The following GPLD1 variants were observed in gnomAD, a reference collection of about 807,000 sequenced individuals.
GPLD1 encodes phosphatidylinositol-glycan-specific phospholipase D.
GPLD1 carries 84 observed loss-of-function variants against 112.6 expected under a neutral mutation model. The observed-to-expected ratio is 0.75, with a 90% CI of 0.63 to 0.89. The LOEUF (loss-of-function observed/expected upper bound fraction) is 0.89, where lower values mean the gene tolerates loss of function less well. Ranked by LOEUF, GPLD1 falls within the 40% of genes least tolerant of loss-of-function variation. GPLD1 has a pLI of 0.00. For synonymous variants in GPLD1, 386 were observed against 403.8 expected, an observed-to-expected ratio of 0.96 and a Z score of 0.53; for missense variants, 1,044 against 1,051.5, an observed-to-expected ratio of 0.99 and a Z score of 0.10.
chr6:24,440,986 C>A (rs1772257), intron 20 of GPLD1, among the ~76,000 whole-genome samples: 3 of 151,874 alleles, frequency 2.0e-5, no homozygotes, highest in East Asian at 3.9e-4. Flanking sequence ...CCAAAATCCA[C>A]GGATGTTCAA....
chr6:24,447,089 G>T, intron 17 of GPLD1, 110 bp from the exon 18 acceptor site: 1 of 946,220 alleles, frequency 1.1e-6, no homozygotes. Flanking sequence ...ATTTTGCTGA[G>T]TTTTTGCCAG....
In GPLD1 at chr6:24,476,191, G is replaced by A. The variant is rs1764010179; in HGVS notation, c.320C>T (p.Pro107Leu). Residue 107 changes from proline to leucine, a missense_variant, in exon 4 of 25, where the codon CCC becomes CTC. Transcript: ENST00000230036. ...GAGGACCACGCCTACCTTCTCCCAG[G>A]GAAGGGGATAGTTCTCTCGGATATA... is the stretch of plus-strand genomic sequence containing the variant. The part of the protein sequence containing the change: ...VHYIRENYPL[P>L]WEKDTEKLVA... The A allele has an allele frequency of 1.3e-6, 2 of 1,541,996 alleles. No homozygotes were observed. The highest frequency in any genetic ancestry group is 1.4e-5 in the African/African-American group (1 of 73,516).
chr6:24,465,017 C>T (rs773033388), intron 10 of GPLD1, among the ~76,000 whole-genome samples: 7 of 150,060 alleles, frequency 4.7e-5, no homozygotes, highest in Non-Finnish European at 1.0e-4. Context: ...ACCAACATGG[C>T]AAAACTCTGT....
intron 11 of GPLD1, 56 bp downstream of exon 11, chr6:24,462,674 G>T: frequency 1.9e-6 from 2 of 1,071,884 alleles, no homozygotes; most frequent in Non-Finnish European, 2.9e-6. Flanking sequence ...CCTCTATAGG[G>T]CATCTCCTCC....
chr6:24,448,283 A>C, intron 15 of GPLD1, 75 bp from the exon 16 acceptor site: 6 of 973,410 alleles, frequency 6.2e-6, no homozygotes, highest in Non-Finnish European at 8.1e-6. Context: ...AGAAGATAAA[A>C]AGGACTGACT....
At chr6:24,425,511 T>C (rs1461374803), downstream of GPLD1, 1 of 152,374 alleles carries the variant, frequency 6.6e-6, no homozygotes, top group Non-Finnish European at 1.5e-5. Flanking sequence ...AAATATCAAC[T>C]AGTTCCACTT....
intron 7 of GPLD1, among the ~76,000 whole-genome samples, chr6:24,467,717 T>C (rs1051962547): frequency 1.3e-5 from 2 of 152,146 alleles, no homozygotes; most frequent in Admixed American, 1.3e-4. Flanking sequence ...CACCCTGACA[T>C]CTTAATTTCA....
intron 15 of GPLD1, among the ~76,000 whole-genome samples, chr6:24,449,300 G>A (rs1763006865): frequency 1.3e-5 from 2 of 152,098 alleles, no homozygotes; most frequent in Non-Finnish European, 2.9e-5. Flanking sequence ...AGTCACACAT[G>A]GTGCCCGGAT....
intron 3 of GPLD1, 113 bp from the exon 4 acceptor site, chr6:24,476,391 G>A: frequency 1.6e-6 from 1 of 622,884 alleles, no homozygotes; most frequent in South Asian, 1.9e-5. Flanking sequence ...TTCCCTCCAT[G>A]CCCCTCAGTT....
At chr6:24,455,174 T>C (rs979467883) in intron 13 of GPLD1, among the ~76,000 whole-genome samples, 21 of 152,256 alleles carry the variant, frequency 1.4e-4, no homozygotes, top group African/African-American at 5.1e-4. Context: ...AGTGGACCCA[T>C]TGCTGTTCTC....
At chr6:24,492,637 G>A (rs868803780), upstream of GPLD1, among the ~76,000 whole-genome samples, 9 of 152,070 alleles carry the variant, frequency 5.9e-5, no homozygotes, top group Middle Eastern at 3.4e-3. Flanking sequence ...GAGGGAAGAG[G>A]TCCCTCTCAC....
At chr6:24,439,315 TAGAA>T (rs34108306) in intron 20 of GPLD1, among the ~76,000 whole-genome samples, 33,478 of 152,018 alleles carry the variant, frequency 0.22, 3,864 homozygotes, top group Non-Finnish European at 0.25. Flanking sequence ...GAGCAAGAAT[TAGAA>T]AGCCTGAATA....
At chr6:24,446,765 T>C in intron 18 of GPLD1, 73 bp downstream of exon 18, 3 of 1,442,828 alleles carry the variant, frequency 2.1e-6, no homozygotes, top group Non-Finnish European at 2.8e-6. Flanking sequence ...CTCAGCCTCA[T>C]GCTCAGTGCG....
rs72112585 is a variant in GPLD1 at position 24,427,845 on chromosome 6, CAAAAAAA to C, written c.*1180_*1186del. Among the ~76,000 whole-genome samples the C allele has an allele frequency of 1.0e-4, 9 of 87,634 alleles. No individual in the cohort carries two copies. The highest frequency in any genetic ancestry group is 4.8e-4 in the African/African-American group (9 of 18,656). The allele number at this position is 87,634 out of a possible 152,430, so 57.5% of individuals were successfully genotyped here. ...TGGGCAACAGAGCAAGACTCCGTCT[CAAAAAAA>C]AAAAAAAAAAAAAAGGACTATCATC... On this transcript the variant is annotated 3_prime_UTR_variant, in exon 25 of 25. Coordinates refer to ENST00000230036, the MANE Select transcript of GPLD1 (RefSeq NM_001503.4).
chr6:24,438,573 G>A (rs746575433), intron 20 of GPLD1, among the ~76,000 whole-genome samples: 13 of 152,122 alleles, frequency 8.5e-5, no homozygotes, highest in South Asian at 2.1e-4. Context: ...AAGCAGAGTC[G>A]GCAACAACAG....
Position 24,462,760 on chromosome 6 carries a change from G to A in GPLD1, c.857C>T (p.Ala286Val), listed in dbSNP as rs1561845394. 6.2e-7 allele frequency: 1 copy of A among 1,613,354 alleles called. No homozygotes were observed. Among genetic ancestry groups the A allele is most frequent in the Non-Finnish European group, 8.5e-7 (1 of 1,179,272 alleles). ...GGTGTGGTTTTGCTGGCCGCCACAT[G>A]CAATGAACAGAGGGTTCTCAGGCAG... is the stretch of plus-strand genomic sequence containing the variant. ...CNLPENPLFIACGGQQNHTQG... is the reference protein window; with the variant it reads ...CNLPENPLFIVCGGQQNHTQG... The change falls in exon 11 of 25, where the codon GCA (alanine) becomes GTA (valine). Residue 286 changes from alanine (A) to valine (V), a missense_variant. Coordinates refer to ENST00000230036, the MANE Select transcript of GPLD1 (RefSeq NM_001503.4).
chr6:24,491,483 G>C (rs949549540), upstream of GPLD1, among the ~76,000 whole-genome samples: 40 of 152,294 alleles, frequency 2.6e-4, no homozygotes, highest in Middle Eastern at 3.4e-3. Flanking sequence ...CAGATGGCTT[G>C]AGGCCAGGAG....
chr6:24,455,538 A>G (rs889106618), intron 13 of GPLD1, among the ~76,000 whole-genome samples: 1 of 151,956 alleles, frequency 6.6e-6, no homozygotes, highest in South Asian at 2.1e-4. Flanking sequence ...GTTTTGTTTT[A>G]TTTTTTTATT....
At chr6:24,430,020 A>G (rs1273974486) in intron 24 of GPLD1, among the ~76,000 whole-genome samples, 1 of 120,374 alleles carries the variant, frequency 8.3e-6, no homozygotes, top group African/African-American at 2.5e-5. Context: ...AATTTTGAAA[A>G]CTACTGATGA....
Sources: allele counts gnomAD v4.1 joint callset (sites outside exome capture counted in the v4.1 genomes callset), GRCh38; gene constraint gnomAD v4.1.1; transcripts MANE v1.5; gene names NCBI Gene and HGNC (gene_info 2026-07-23, HGNC 2026-07-21).